Variants in RUNDC3B observed in about 807,000 individuals in gnomAD.
RUNDC3B encodes the protein RUN domain-containing protein 3B.
In RUNDC3B, 33 loss-of-function variants were observed where a neutral mutation model predicts 58.4. That is an observed-to-expected ratio of 0.56 (90% CI 0.43 to 0.75). The LOEUF (loss-of-function observed/expected upper bound fraction) is 0.75, where lower values mean the gene tolerates loss of function less well. Ranked by LOEUF, RUNDC3B falls within the 30% of genes least tolerant of loss-of-function variation. The probability of loss-of-function intolerance (pLI) is 0.00; values close to 1 mark genes in which losing one functional copy is unlikely to be tolerated. For synonymous variants in RUNDC3B, 193 were observed against 195.2 expected, an observed-to-expected ratio of 0.99 and a Z score of 0.10; for missense variants, 501 against 535.7, an observed-to-expected ratio of 0.94 and a Z score of 0.64.
chr7:87,696,190 C>G (rs937924622), intron 2 of RUNDC3B, among the ~76,000 whole-genome samples: 1 of 152,116 alleles, frequency 6.6e-6, no homozygotes, highest in Non-Finnish European at 1.5e-5. Context: ...CTGTTAATGA[C>G]AGCATATCTC....
chr7:87,689,542 TTAC>T (rs1465618069), intron 2 of RUNDC3B, among the ~76,000 whole-genome samples: 2 of 152,172 alleles, frequency 1.3e-5, no homozygotes, highest in Non-Finnish European at 2.9e-5. Flanking sequence ...TATTGCTAAA[TTAC>T]TAATTAGCTA....
Position 87,807,481 on chromosome 7 carries a change from T to A in RUNDC3B, c.1065T>A (p.Asp355Glu). Residue 355 changes from aspartate (D) to glutamate (E), a missense_variant, in exon 9 of 11, where the codon GAT becomes GAA. Coordinates refer to ENST00000394654, the MANE Select transcript of RUNDC3B (RefSeq NM_001134405.2). ...TGGATGTCAATGCTGTTGCCTTGGA[T>A]ACGTTGCTTTACCGAAAACACAATA... ...GALDVNAVAL[D>E]TLLYRKHNKQ... 6.2e-7 allele frequency: 1 copy of A among 1,613,704 alleles called. No homozygotes were observed. Among genetic ancestry groups the A allele is most frequent in the Non-Finnish European group, 8.5e-7 (1 of 1,179,640 alleles).
intron 5 of RUNDC3B, among the ~76,000 whole-genome samples, chr7:87,740,321 A>G (rs907118995): frequency 3.3e-5 from 5 of 152,028 alleles, no homozygotes; most frequent in African/African-American, 1.2e-4. Context: ...CTCTTATGTT[A>G]TGTATGGAGA....
intron 2 of RUNDC3B, among the ~76,000 whole-genome samples, chr7:87,666,451 CTG>C (rs2130487191): frequency 6.6e-6 from 1 of 152,166 alleles, no homozygotes; most frequent in African/African-American, 2.4e-5. Flanking sequence ...TCTCTTTACT[CTG>C]TGGATAGTTT....
intron 7 of RUNDC3B, among the ~76,000 whole-genome samples, chr7:87,771,844 T>C (rs1203001871): frequency 6.6e-6 from 1 of 152,170 alleles, no homozygotes; most frequent in Non-Finnish European, 1.5e-5. Context: ...GAAAGCTTGA[T>C]TACATGCAAT....
intron 1 of RUNDC3B, among the ~76,000 whole-genome samples, chr7:87,637,390 T>G (rs1821888039): frequency 6.6e-6 from 1 of 152,152 alleles, no homozygotes; most frequent in Non-Finnish European, 1.5e-5. Flanking sequence ...AAGATTATCT[T>G]GGCTATTCTT....
At chr7:87,707,168 A>G (rs1039140539) in intron 3 of RUNDC3B, among the ~76,000 whole-genome samples, 3 of 152,188 alleles carry the variant, frequency 2.0e-5, no homozygotes, top group Non-Finnish European at 4.4e-5. Flanking sequence ...AAATTTTCAT[A>G]CAGAATGTCT....
intron 8 of RUNDC3B, among the ~76,000 whole-genome samples, chr7:87,783,729 G>C (rs932252274): frequency 6.6e-6 from 1 of 152,138 alleles, no homozygotes; most frequent in African/African-American, 2.4e-5. Flanking sequence ...TGCTTGTCTG[G>C]AAAATATTAT....
intron 6 of RUNDC3B, among the ~76,000 whole-genome samples, chr7:87,761,207 C>T (rs1833661718): frequency 6.6e-6 from 1 of 151,656 alleles, no homozygotes; most frequent in African/African-American, 2.4e-5. Context: ...GTACAGTGGC[C>T]CAGAAGCACA....
At position 87,689,545 on chromosome 7, in the gene RUNDC3B, C is replaced by T. The variant is rs548213715; in HGVS notation, c.239-10876C>T. Among the ~76,000 whole-genome samples, 3 of 152,198 alleles carry T rather than the reference C, an allele frequency of 2.0e-5. No individual in the cohort carries two copies. In the East Asian group the frequency reaches 5.8e-4, roughly 29 times the overall value. On this transcript the variant is annotated intron_variant, in intron 2 of 10. Transcript: ENST00000394654. ...TACTTTAGCTAATATTGCTAAATTACTAATTAGCTAATTATTAATTAGCTA... is the reference window on the plus strand; with the variant it reads ...TACTTTAGCTAATATTGCTAAATTATTAATTAGCTAATTATTAATTAGCTA...
chr7:87,708,603 T>C (rs1363798790), intron 3 of RUNDC3B, among the ~76,000 whole-genome samples: 1 of 152,182 alleles, frequency 6.6e-6, no homozygotes, highest in Non-Finnish European at 1.5e-5. Flanking sequence ...GTCAGATATT[T>C]ATAATTTAAT....
At chr7:87,723,799 G>A (rs1831046938) in intron 4 of RUNDC3B, among the ~76,000 whole-genome samples, 1 of 152,010 alleles carries the variant, frequency 6.6e-6, no homozygotes, top group South Asian at 2.1e-4. Flanking sequence ...ATAGTTAAGA[G>A]CTGAAAATAT....
chr7:87,701,271 GAAGA>G (rs1023599973), intron 3 of RUNDC3B, among the ~76,000 whole-genome samples: 6 of 152,246 alleles, frequency 3.9e-5, no homozygotes, highest in Admixed American at 2.0e-4. Context: ...CTCAAAAAAA[GAAGA>G]AAGAAGTGAG....
chr7:87,784,021 A>T (rs1051534612), intron 8 of RUNDC3B, among the ~76,000 whole-genome samples: 1 of 151,918 alleles, frequency 6.6e-6, no homozygotes, highest in Non-Finnish European at 1.5e-5. Flanking sequence ...GGTTCTCTGA[A>T]TTTTTTTGAA....
intron 2 of RUNDC3B, among the ~76,000 whole-genome samples, chr7:87,688,124 C>G (rs974184087): frequency 6.6e-6 from 1 of 152,058 alleles, no homozygotes; most frequent in Non-Finnish European, 1.5e-5. Context: ...CTGAGAAACA[C>G]CCTTTTAAGT....
chr7:87,752,784 T>C (rs959526584), intron 6 of RUNDC3B, among the ~76,000 whole-genome samples: 3 of 152,104 alleles, frequency 2.0e-5, no homozygotes, highest in African/African-American at 7.2e-5. Flanking sequence ...TTATTAGTCT[T>C]GCTAGTGGTT....
intron 6 of RUNDC3B, among the ~76,000 whole-genome samples, chr7:87,747,381 G>C (rs1470645917): frequency 1.3e-5 from 2 of 152,152 alleles, no homozygotes; most frequent in Non-Finnish European, 2.9e-5. Context: ...GGAGGTAGCA[G>C]GGGGGTGAGG....
chr7:87,691,580 A>G (rs1433550002), intron 2 of RUNDC3B, among the ~76,000 whole-genome samples: 1 of 152,206 alleles, frequency 6.6e-6, no homozygotes, highest in Non-Finnish European at 1.5e-5. Context: ...CCCTTCTACA[A>G]ACAAGCCCTG....
At chr7:87,709,586 C>A in intron 3 of RUNDC3B, 1 of 873,422 alleles carries the variant, frequency 1.1e-6, no homozygotes, top group Non-Finnish European at 1.4e-6. Context: ...TCTAGCCTGA[C>A]AGGTTTTAAC....
Sources: allele counts gnomAD v4.1 joint callset (sites outside exome capture counted in the v4.1 genomes callset), GRCh38; gene constraint gnomAD v4.1.1; transcripts MANE v1.5; gene names NCBI Gene and HGNC (gene_info 2026-07-23, HGNC 2026-07-21).